The following MYO16 variants were observed in gnomAD, a reference collection of about 807,000 sequenced individuals.
The protein encoded by MYO16 is myosin XVI, also known as unconventional myosin-XVI.
In MYO16, 94 loss-of-function variants were observed where a neutral mutation model predicts 205.3. The ratio of observed to expected loss-of-function variants is 0.46; its 90% CI spans 0.39 to 0.54. The LOEUF (loss-of-function observed/expected upper bound fraction) is 0.54. Ranked by LOEUF, MYO16 falls within the 20% of genes least tolerant of loss-of-function variation. The probability of loss-of-function intolerance (pLI) is 0.00; values close to 1 mark genes in which losing one functional copy is unlikely to be tolerated. For synonymous variants in MYO16, 988 were observed against 954.0 expected (o/e 1.04, Z -0.66); for missense variants, 2,315 against 2,387.5 (o/e 0.97, Z 0.63).
intron 15 of MYO16, among the ~76,000 whole-genome samples, chr13:108,900,682 G>A (rs1880663252): frequency 6.6e-6 from 1 of 152,110 alleles, no homozygotes; most frequent in African/African-American, 2.4e-5. Flanking sequence ...GATGTAGGTT[G>A]CCTCAGGACC....
chr13:108,530,182 G>A, the MYO16 span, among the ~76,000 whole-genome samples: 1 of 152,126 alleles, frequency 6.6e-6, no homozygotes, highest in Admixed American at 6.5e-5. Flanking sequence ...AAGTTATATG[G>A]GGGAAATCTA....
At chr13:109,043,269 G>T (rs976572765) in intron 23 of MYO16, among the ~76,000 whole-genome samples, 1 of 152,114 alleles carries the variant, frequency 6.6e-6, no homozygotes, top group African/African-American at 2.4e-5. Context: ...CGTAGTCATC[G>T]CCCTGAAGAC....
intron 2 of MYO16, among the ~76,000 whole-genome samples, chr13:108,681,089 T>C (rs1484669767): frequency 1.3e-5 from 2 of 152,236 alleles, no homozygotes; most frequent in East Asian, 1.9e-4. Flanking sequence ...CATGCAAGCA[T>C]GTAAAACCAT....
At chr13:109,124,969 C>T in intron 29 of MYO16, 143 bp from the exon 30 acceptor site, 1 of 908,938 alleles carries the variant, frequency 1.1e-6, no homozygotes, top group Non-Finnish European at 1.6e-6. Flanking sequence ...GTTATCACTG[C>T]TGATTTAGAT....
At chr13:109,118,422 CA>C (rs1875830109) in intron 28 of MYO16, among the ~76,000 whole-genome samples, 1 of 152,212 alleles carries the variant, frequency 6.6e-6, no homozygotes, top group Non-Finnish European at 1.5e-5. Flanking sequence ...TGAGGGTCTC[CA>C]CTGAATTAAG....
intron 23 of MYO16, among the ~76,000 whole-genome samples, chr13:109,046,439 GAATT>G (rs1887046380): frequency 6.6e-6 from 1 of 152,150 alleles, no homozygotes; most frequent in Non-Finnish European, 1.5e-5. Context: ...TAGAAATCCA[GAATT>G]AATTGTTTCC....
At chr13:108,950,967 A>C (rs1409342040) in intron 16 of MYO16, among the ~76,000 whole-genome samples, 2 of 152,330 alleles carry the variant, frequency 1.3e-5, no homozygotes, top group East Asian at 3.9e-4. Flanking sequence ...CCTTTCGAAA[A>C]ATTTGTATTG....
At chr13:108,677,764 C>T (rs565410163) in intron 2 of MYO16, among the ~76,000 whole-genome samples, 2 of 152,238 alleles carry the variant, frequency 1.3e-5, no homozygotes, top group African/African-American at 2.4e-5. Context: ...TCATTTCTGT[C>T]TCTTCACCAT....
intron 23 of MYO16, among the ~76,000 whole-genome samples, chr13:109,024,176 T>C (rs545475794): frequency 5.9e-5 from 9 of 151,428 alleles, no homozygotes; most frequent in African/African-American, 2.2e-4. Context: ...ACAAATTCTT[T>C]AGGAAAACAG....
upstream of MYO16, among the ~76,000 whole-genome samples, chr13:108,628,405 C>T (rs1418213479): frequency 6.6e-6 from 1 of 152,086 alleles, no homozygotes; most frequent in African/African-American, 2.4e-5. Flanking sequence ...TCAATGAACA[C>T]CAACAACAGA....
chr13:108,980,655 A>G (rs941007821), intron 20 of MYO16, among the ~76,000 whole-genome samples: 6 of 152,210 alleles, frequency 3.9e-5, no homozygotes, highest in African/African-American at 9.7e-5. Flanking sequence ...GTGCTTTGCA[A>G]CAAAGGACAT....
At position 108,884,834 on chromosome 13, in the gene MYO16, A is replaced by G. The variant is rs61968587; in HGVS notation, c.1553+1648A>G. ...GAAAGGCGCTGAGACAGGGGCTCTC[A>G]CCCATTCTAGACATGAGGATGAGAA... On this transcript the variant is annotated intron_variant, in intron 13 of 34. Coordinates refer to ENST00000457511, the MANE Select transcript of MYO16 (RefSeq NM_001198950.3). Among the ~76,000 whole-genome samples the G allele has an allele frequency of 6.2e-3, 938 of 151,336 alleles. 6 individuals carry two copies. Among genetic ancestry groups the G allele is most frequent in the Non-Finnish European group, 0.011 (772 of 67,890 alleles).
At chr13:108,541,314 T>C in the MYO16 span, among the ~76,000 whole-genome samples, 1 of 151,538 alleles carries the variant, frequency 6.6e-6, no homozygotes, top group Non-Finnish European at 1.5e-5. Context: ...ATCTATATTA[T>C]ATAGATACAT....
At chr13:108,838,527 G>A (rs1449972479) in intron 9 of MYO16, among the ~76,000 whole-genome samples, 3 of 150,436 alleles carry the variant, frequency 2.0e-5, no homozygotes, top group East Asian at 1.9e-4. Context: ...AAAAAGCTTG[G>A]CATGGTGGTT....
At chr13:108,835,242 T>C (rs1373176645) in intron 9 of MYO16, among the ~76,000 whole-genome samples, 3 of 152,182 alleles carry the variant, frequency 2.0e-5, no homozygotes, top group African/African-American at 4.8e-5. Context: ...CCCCATGCTG[T>C]TCCCTTGATA....
chr13:108,806,212 T>G (rs926012778), intron 6 of MYO16, among the ~76,000 whole-genome samples: 3 of 152,216 alleles, frequency 2.0e-5, no homozygotes, highest in African/African-American at 7.2e-5. Flanking sequence ...TTTCAGTGTT[T>G]CTGTGCCTTT....
At chr13:108,575,882 A>G in the MYO16 span, among the ~76,000 whole-genome samples, 3 of 152,126 alleles carry the variant, frequency 2.0e-5, no homozygotes, top group Non-Finnish European at 4.4e-5. Flanking sequence ...AATTTCCAGC[A>G]GGTGAATGGA....
At chr13:109,099,466 A>T (rs1888886961) in intron 27 of MYO16, among the ~76,000 whole-genome samples, 1 of 152,228 alleles carries the variant, frequency 6.6e-6, no homozygotes, top group African/African-American at 2.4e-5. Flanking sequence ...CCTAATAGGA[A>T]GGAATAAGTC....
chr13:108,751,804 G>A (rs2139636701), intron 4 of MYO16, among the ~76,000 whole-genome samples: 1 of 152,242 alleles, frequency 6.6e-6, no homozygotes, highest in South Asian at 2.1e-4. Context: ...CCCCAACTGA[G>A]GGTCAGTCTT....
Sources: gnomAD v4.1 joint callset for allele counts (sites outside exome capture counted in the v4.1 genomes callset) on GRCh38, gnomAD v4.1.1 for gene constraint, MANE v1.5 for transcripts, NCBI Gene and HGNC (gene_info 2026-07-23, HGNC 2026-07-21) for gene names.